MBNL3: variants seen among roughly 807,000 people sequenced by gnomAD.
The protein encoded by MBNL3 is muscleblind like splicing regulator 3.
In MBNL3, 6 loss-of-function variants were observed where a neutral mutation model predicts 24.5. The ratio of observed to expected loss-of-function variants is 0.25; its 90% confidence interval spans 0.13 to 0.48. The LOEUF is 0.48. MBNL3 is among the 20% of genes least tolerant of loss of function. The pLI is 0.99. For missense variants in MBNL3, 230 were observed against 293.5 expected (o/e 0.78, Z 1.58); for synonymous variants, 100 against 101.7 (o/e 0.98, Z 0.10).
At chrX:132,399,908 G>GT (rs778000799) in intron 3 of MBNL3, among the ~76,000 whole-genome samples, 1 of 110,523 alleles carries the variant, frequency 9.0e-6, no homozygotes, top group South Asian at 3.8e-4. Flanking sequence ...AGCTTACACT[G>GT]TGACCACGAA....
intron 1 of MBNL3, among the ~76,000 whole-genome samples, chrX:132,484,930 C>T (rs901367417): frequency 3.0e-5 from 3 of 101,117 alleles, no homozygotes; most frequent in East Asian, 3.1e-4. Context: ...AGAATACACA[C>T]GCGCACACAC....
intron 2 of MBNL3, among the ~76,000 whole-genome samples, chrX:132,417,375 A>C (rs1943392389): frequency 8.9e-6 from 1 of 112,094 alleles, no homozygotes; most frequent in Non-Finnish European, 1.9e-5. Context: ...TAAATGTCTC[A>C]TGGCCTTACA....
At chrX:132,386,520 A>G (rs1002857965) in intron 6 of MBNL3, 141 bp downstream of exon 6, 17 of 641,191 alleles carry the variant, frequency 2.7e-5, no homozygotes, top group Non-Finnish European at 3.6e-5. Flanking sequence ...ATACTAGCAG[A>G]TAAGCATAAC....
chrX:132,380,318 G>C (rs1934659188), intron 8 of MBNL3, among the ~76,000 whole-genome samples: 1 of 111,873 alleles, frequency 8.9e-6, no homozygotes, highest in Non-Finnish European at 1.9e-5. Context: ...CATGAAAGTT[G>C]GGCAAGTGTT....
At chrX:132,422,178 C>T (rs894067449) in intron 2 of MBNL3, among the ~76,000 whole-genome samples, 6 of 109,726 alleles carry the variant, frequency 5.5e-5, no homozygotes, top group African/African-American at 2.0e-4. Context: ...CCCTTTTGTT[C>T]TCACAGTTGC....
At chrX:132,448,283 G>A (rs944042137) in intron 1 of MBNL3, among the ~76,000 whole-genome samples, 3 of 111,611 alleles carry the variant, frequency 2.7e-5, no homozygotes, top group African/African-American at 6.5e-5. Context: ...TGGGCTTTTC[G>A]GGGTGGGCAG....
intron 1 of MBNL3, among the ~76,000 whole-genome samples, chrX:132,486,187 T>C (rs972445615): frequency 1.8e-5 from 2 of 112,078 alleles, no homozygotes; most frequent in Non-Finnish European, 3.8e-5. Context: ...CTGAATTTAT[T>C]GTACTATAAG....
At chrX:132,419,274 G>A (rs908539088) in intron 2 of MBNL3, among the ~76,000 whole-genome samples, 3 of 112,103 alleles carry the variant, frequency 2.7e-5, no homozygotes, top group African/African-American at 9.7e-5. Flanking sequence ...CTTGACAAAA[G>A]TAACAGTCCA....
chrX:132,406,251 G>A lies in MBNL3; in HGVS notation c.319C>T (p.Gln107Ter). Residue 107 changes from glutamine to a stop codon, truncating the protein, a stop_gained, in exon 3 of 9, where the codon CAA becomes TAA. Transcript: ENST00000370853. LOFTEE classifies it high-confidence loss of function. Reference sequence around the variant, plus strand: ...ACAAGTGATGACATTTGAGCGTTTTGGAGCATAAGCTGCATCTGCTGGGCG... The same window carrying A: ...ACAAGTGATGACATTTGAGCGTTTTAGAGCATAAGCTGCATCTGCTGGGCG... The part of the protein sequence containing the change: ...MFAQQMQLML[Q>*]NAQMSSLGSF... The A allele has an allele frequency of 1.7e-6, 2 of 1,211,439 alleles. No homozygotes were observed. Among genetic ancestry groups the A allele is most frequent in the Non-Finnish European group, 2.2e-6 (2 of 895,379 alleles).
At chrX:132,459,423 G>A (rs1008511734) in intron 1 of MBNL3, among the ~76,000 whole-genome samples, 2 of 111,013 alleles carry the variant, frequency 1.8e-5, no homozygotes, top group Non-Finnish European at 3.8e-5. Context: ...GGTCTTATAG[G>A]ATTATGGAAT....
chrX:132,391,754 T>C (rs1167023837), intron 4 of MBNL3, among the ~76,000 whole-genome samples: 1 of 112,322 alleles, frequency 8.9e-6, no homozygotes, highest in Non-Finnish European at 1.9e-5. Flanking sequence ...TCTGTGTTCA[T>C]ATAGCTTTAC....
At chrX:132,482,858 C>G (rs1410431797) in intron 1 of MBNL3, among the ~76,000 whole-genome samples, 5 of 112,096 alleles carry the variant, frequency 4.5e-5, no homozygotes, top group Non-Finnish European at 9.4e-5. Flanking sequence ...ATTGACACAG[C>G]CTCAGCCTCT....
intron 1 of MBNL3, among the ~76,000 whole-genome samples, chrX:132,471,827 T>C (rs1041132955): frequency 8.8e-6 from 1 of 113,068 alleles, no homozygotes; most frequent in Admixed American, 9.3e-5. Flanking sequence ...TATTTAGCAC[T>C]TAGGATGCCC....
chrX:132,386,503 G>C (rs1164585756), intron 6 of MBNL3, among the ~76,000 whole-genome samples, 158 bp downstream of exon 6: 1 of 112,498 alleles, frequency 8.9e-6, no homozygotes, highest in Non-Finnish European at 1.9e-5. Flanking sequence ...AAAACAAGTA[G>C]TTCTAGATAC....
intron 1 of MBNL3, among the ~76,000 whole-genome samples, chrX:132,457,582 G>A (rs1345132350): frequency 9.0e-6 from 1 of 111,074 alleles, no homozygotes; most frequent in Non-Finnish European, 1.9e-5. Flanking sequence ...TGTGATGTAG[G>A]TATCATCTAT....
chrX:132,454,841 C>G (rs1387136400), intron 1 of MBNL3, among the ~76,000 whole-genome samples: 1 of 112,335 alleles, frequency 8.9e-6, no homozygotes, highest in Non-Finnish European at 1.9e-5. Context: ...GGAGCACAGA[C>G]AGGATACAGT....
At position 132,415,982 on chromosome X, in the gene MBNL3, A is replaced by T. The variant is rs1928193; in HGVS notation, c.178-9590T>A. On this transcript the variant is annotated intron_variant, in intron 2 of 8. Coordinates refer to ENST00000370853, the MANE Select transcript of MBNL3 (RefSeq NM_001386889.1). ...AATTAGCACAGCCACTATATATATA[A>T]AAAAAAAACAGTATGGAGGTTCTCC... 8.9e-3 allele frequency among the ~76,000 whole-genome samples: 974 copies of T among 109,571 alleles called. 34 individuals are homozygous for T. The East Asian group carries it at 0.12, about 13-fold the overall frequency.
chrX:132,408,299 C>T (rs765132877), intron 2 of MBNL3, among the ~76,000 whole-genome samples: 2 of 106,202 alleles, frequency 1.9e-5, no homozygotes, highest in South Asian at 8.8e-4. Flanking sequence ...AGTTAGACAG[C>T]AGTAGTGGGG....
intron 1 of MBNL3, among the ~76,000 whole-genome samples, chrX:132,485,119 TA>T: frequency 8.9e-6 from 1 of 112,007 alleles, no homozygotes; most frequent in East Asian, 2.8e-4. Flanking sequence ...ATCAAATATT[TA>T]TAATAGTTTA....
Sources: allele counts gnomAD v4.1 joint callset (sites outside exome capture counted in the v4.1 genomes callset), GRCh38; gene constraint gnomAD v4.1.1; transcripts MANE v1.5; gene names NCBI Gene and HGNC (gene_info 2026-07-23, HGNC 2026-07-21).